ADCY3: variants seen among roughly 807,000 people sequenced by gnomAD.
The protein encoded by ADCY3 is adenylate cyclase type 3.
ADCY3 carries 70 observed loss-of-function variants against 119.4 expected under a neutral mutation model. The observed-to-expected ratio is 0.59, with a 90% CI of 0.48 to 0.72. The LOEUF (loss-of-function observed/expected upper bound fraction) is 0.72, where lower values mean the gene tolerates loss of function less well. Ranked by LOEUF, ADCY3 falls within the 30% of genes least tolerant of loss-of-function variation. ADCY3 has a pLI of 0.00. For missense variants in ADCY3, 1,238 were observed against 1,541.6 expected (o/e 0.80, Z 3.30); for synonymous variants, 672 against 621.4 (o/e 1.08, Z -1.21).
intron 21 of ADCY3, 168 bp downstream of exon 21, chr2:24,820,556 G>A (rs1313472625): frequency 3.5e-6 from 5 of 1,412,662 alleles, no homozygotes; most frequent in Non-Finnish European, 4.7e-6. Context: ...GTTTCTTCCT[G>A]TGCTGAGGCT....
chr2:24,826,946 T>C (rs1668711622), intron 15 of ADCY3, among the ~76,000 whole-genome samples: 1 of 152,256 alleles, frequency 6.6e-6, no homozygotes. Context: ...GACCGGTACG[T>C]GTGTGATGGT....
intron 2 of ADCY3, among the ~76,000 whole-genome samples, chr2:24,911,516 G>C (rs182586135): frequency 4.2e-4 from 64 of 151,844 alleles, no homozygotes; most frequent in African/African-American, 1.5e-3. Context: ...CAGGCATGGT[G>C]GTGGGTGCCT....
At chr2:24,871,020 G>A (rs1674938821) in intron 3 of ADCY3, among the ~76,000 whole-genome samples, 1 of 152,118 alleles carries the variant, frequency 6.6e-6, no homozygotes, top group Non-Finnish European at 1.5e-5. Context: ...TGTGAGTTAA[G>A]ATGTCCTAGA....
chr2:24,842,622 G>A lies in ADCY3; in HGVS notation c.826-238C>T. On this transcript the variant is annotated intron_variant, in intron 3 of 21. Transcript: ENST00000679454. This position sits in a 1 kb window ranked among gnomAD's most constrained non-coding sequence, Gnocchi z 4.9. The stretch of plus-strand genomic sequence containing the variant: ...CCTTCAGAGCAACTGAGGGGAGCCA[G>A]AAACGCAGTGAAGCATCCCAACGTG... 1 of 515,568 alleles carries A rather than the reference G, an allele frequency of 1.9e-6. No homozygotes were observed. 31.9% of individuals were successfully genotyped at this position (515,568 alleles called of 1,614,324 possible). A position where few individuals can be genotyped will look rare whatever the true frequency, so the allele number is the denominator to read the frequency against.
intron 2 of ADCY3, among the ~76,000 whole-genome samples, chr2:24,902,188 C>T (rs1465735775): frequency 6.6e-6 from 1 of 151,460 alleles, no homozygotes; most frequent in Non-Finnish European, 1.5e-5. Context: ...TCAAGCGATC[C>T]TCCTGCCTCA....
At chr2:24,865,264 GTGAAACC>G (rs1224124063) in intron 3 of ADCY3, among the ~76,000 whole-genome samples, 1 of 152,088 alleles carries the variant, frequency 6.6e-6, no homozygotes, top group Non-Finnish European at 1.5e-5. Flanking sequence ...GGCCAACGTG[GTGAAACC>G]CCATCTCTAC....
Position 24,824,483 on chromosome 2 carries a change from C to T in ADCY3, c.2631G>A (p.Gln877=), listed in dbSNP as rs1668308066. Residue 877 remains glutamine, a synonymous_variant, in exon 17 of 22, where the codon CAG becomes CAA. Transcript: ENST00000679454. The part of the protein sequence containing the change: ...LFLWKIEVHD[Q]KERVYEMRRW... ...GTCGCATCTCATAGACACGTTCCTT[C>T]TGGTCGTGGACCTCAATCTTCCACA... 6.2e-7 allele frequency: 1 copy of T among 1,614,280 alleles called. No individual in the cohort carries two copies. The highest frequency in any genetic ancestry group is 8.5e-7 in the Non-Finnish European group (1 of 1,180,054).
At chr2:24,823,490 G>T in intron 17 of ADCY3, 135 bp from the exon 18 acceptor site, 5 of 809,992 alleles carry the variant, frequency 6.2e-6, no homozygotes, top group Non-Finnish European at 6.9e-6. Flanking sequence ...GATTATTCCA[G>T]CATTTTTTTT....
chr2:24,854,063 T>A (rs1250050357), intron 3 of ADCY3, among the ~76,000 whole-genome samples: 1 of 152,212 alleles, frequency 6.6e-6, no homozygotes, highest in Non-Finnish European at 1.5e-5. Context: ...CTCCCAGGAC[T>A]GCACCTGTTC....
chr2:24,838,982 GC>G, intron 7 of ADCY3: 1 of 1,149,504 alleles, frequency 8.7e-7, no homozygotes. Context: ...TTGTTCTGTC[GC>G]CCAGGATGGA....
chr2:24,828,281 C>T (rs1668911284), intron 13 of ADCY3, 120 bp from the exon 14 acceptor site: 10 of 1,251,920 alleles, frequency 8.0e-6, no homozygotes, highest in Non-Finnish European at 1.1e-5. Context: ...CCCAGAAATA[C>T]CGGGAAAGAT....
rs1667320941 is a variant in ADCY3 at position 24,820,061 on chromosome 2, C to T, written c.3306G>A (p.Arg1102=). 5.0e-6 allele frequency: 8 copies of T among 1,594,104 alleles called. No homozygotes were observed. Among genetic ancestry groups the T allele is most frequent in the Non-Finnish European group, 6.8e-6 (8 of 1,170,590 alleles). Residue 1102 remains arginine, a synonymous_variant, in exon 22 of 22, where the codon AGG becomes AGA. Transcript: ENST00000679454. Reference sequence around the variant, plus strand: ...TCCCCTTCACAAAGATGGGGCCTCGCCTCACAAAGCGGAAGCCGTACTCTC... The same window carrying T: ...TCCCCTTCACAAAGATGGGGCCTCGTCTCACAAAGCGGAAGCCGTACTCTC... The part of the protein sequence containing the change: ...ILREYGFRFV[R]RGPIFVKGKG...
chr2:24,855,523 G>A (rs962047240), intron 3 of ADCY3, among the ~76,000 whole-genome samples: 1 of 152,168 alleles, frequency 6.6e-6, no homozygotes, highest in South Asian at 2.1e-4. Flanking sequence ...ATGTGGTTCT[G>A]CACAGAGAAG....
At chr2:24,825,812 C>G (rs983325379) in intron 16 of ADCY3, 26 of 561,694 alleles carry the variant, frequency 4.6e-5, no homozygotes, top group Non-Finnish European at 7.9e-5. Flanking sequence ...CACTCCCATG[C>G]TTCCTTCACC....
At chr2:24,874,846 GATTTT>G (rs1006373900) in intron 2 of ADCY3, among the ~76,000 whole-genome samples, 3 of 152,216 alleles carry the variant, frequency 2.0e-5, no homozygotes, top group Non-Finnish European at 2.9e-5. Flanking sequence ...TGAAAAAGCA[GATTTT>G]ATTTTTAAAA....
At position 24,834,397 on chromosome 2, in the gene ADCY3, A is replaced by C; in HGVS notation, c.1967+88T>G. The C allele has an allele frequency of 8.0e-7, 1 of 1,255,082 alleles. No individual in the cohort carries two copies. Among genetic ancestry groups the C allele is most frequent in the Non-Finnish European group, 1.1e-6 (1 of 909,072 alleles). 77.7% of individuals were successfully genotyped at this position (1,255,082 alleles called of 1,614,324 possible). The stretch of plus-strand genomic sequence containing the variant: ...AGAGACTGGCTTGCTCCCCAATGTC[A>C]GGCTCCCGCTGAGACACCTGCCCCC... On this transcript the variant is annotated intron_variant, in intron 11 of 21. Coordinates refer to ENST00000679454, the MANE Select transcript of ADCY3 (RefSeq NM_004036.5). This position sits in a 1 kb window ranked among gnomAD's most constrained non-coding sequence, Gnocchi z 4.2.
At chr2:24,823,476 G>C in intron 17 of ADCY3, 121 bp from the exon 18 acceptor site, 1 of 957,258 alleles carries the variant, frequency 1.0e-6, no homozygotes, top group Non-Finnish European at 1.5e-6. Flanking sequence ...TCACACATCA[G>C]TCAGATTATT....
intron 2 of ADCY3, among the ~76,000 whole-genome samples, chr2:24,877,031 C>T (rs544384021): frequency 1.3e-5 from 2 of 152,218 alleles, no homozygotes; most frequent in Non-Finnish European, 2.9e-5. Context: ...ACTTGGCAGG[C>T]TCCTGTCCAC....
intron 3 of ADCY3, among the ~76,000 whole-genome samples, chr2:24,856,245 G>C (rs762923000): frequency 6.6e-6 from 1 of 152,316 alleles, no homozygotes; most frequent in Middle Eastern, 3.4e-3. Context: ...GCATGTACGT[G>C]TCTACTGTCT....
Sources: gnomAD v4.1 joint callset for allele counts (sites outside exome capture counted in the v4.1 genomes callset) on GRCh38, gnomAD v4.1.1 for gene constraint, Gnocchi (gnomAD v3.1) non-coding constraint, MANE v1.5 for transcripts, NCBI Gene and HGNC (gene_info 2026-07-23, HGNC 2026-07-21) for gene names.